SCN10A: variants seen among roughly 807,000 people sequenced by gnomAD.
The protein encoded by SCN10A is sodium channel protein type 10 subunit alpha.
In SCN10A, 162 loss-of-function variants were observed where a neutral mutation model predicts 170.7. The observed-to-expected ratio is 0.95, with a 90% CI of 0.84 to 1.08. The LOEUF is 1.08. SCN10A is among the 50% of genes least tolerant of loss of function. SCN10A has a pLI of 0.00. For synonymous variants in SCN10A, 985 were observed against 904.6 expected (o/e 1.09, Z -1.59); for missense variants, 2,527 against 2,436.9 (o/e 1.04, Z -0.78).
intron 8 of SCN10A, among the ~76,000 whole-genome samples, chr3:38,758,024 AT>A (rs1390239891): frequency 1.3e-5 from 2 of 152,030 alleles, no homozygotes; most frequent in East Asian, 1.9e-4. Context: ...ATTTTTTTAA[AT>A]TTTTTTCTTT....
intron 13 of SCN10A, among the ~76,000 whole-genome samples, chr3:38,746,053 G>GTGTGTA: frequency 2.4e-5 from 2 of 84,106 alleles, no homozygotes; most frequent in African/African-American, 9.1e-5. Context: ...ATATATATGT[G>GTGTGTA]TGTGTATGTG....
At position 38,712,308 on chromosome 3, in the gene SCN10A, G is replaced by T. The variant is rs760702095; in HGVS notation, c.3942C>A (p.Thr1314=). The part of the protein sequence containing the change: ...AGKFWRCINY[T]DGEFSLVPLS... The stretch of plus-strand genomic sequence containing the variant: ...AAGGTACAAGGGAAAACTCTCCATC[G>T]GTATAGTTGATGCACCTCCAAAACT... Residue 1314 remains threonine, a synonymous_variant, in exon 23 of 28, where the codon ACC becomes ACA. Coordinates refer to ENST00000449082, the MANE Select transcript of SCN10A (RefSeq NM_006514.4). The T allele has an allele frequency of 1.2e-6, 2 of 1,614,164 alleles. No individual in the cohort carries two copies. Among genetic ancestry groups the T allele is most frequent in the South Asian group, 1.1e-5 (1 of 91,072 alleles).
intron 1 of SCN10A, among the ~76,000 whole-genome samples, chr3:38,805,217 G>A (rs2064397706): frequency 1.3e-5 from 2 of 152,134 alleles, no homozygotes; most frequent in South Asian, 4.1e-4. Context: ...ATGTTACTAG[G>A]ACTGAGAATG....
chr3:38,719,250 C>T (rs1256292929), intron 20 of SCN10A, among the ~76,000 whole-genome samples: 1 of 151,960 alleles, frequency 6.6e-6, no homozygotes, highest in East Asian at 1.9e-4. Context: ...TTCTATCTCA[C>T]TGGTAATCAA....
intron 1 of SCN10A, among the ~76,000 whole-genome samples, chr3:38,808,544 A>C (rs2064420304): frequency 6.6e-6 from 1 of 152,184 alleles, no homozygotes; most frequent in Non-Finnish European, 1.5e-5. Flanking sequence ...GACACATGTA[A>C]GTGTTTGATA....
chr3:38,791,736 G>A (rs1178444379), intron 3 of SCN10A, among the ~76,000 whole-genome samples: 1 of 152,170 alleles, frequency 6.6e-6, no homozygotes, highest in Non-Finnish European at 1.5e-5. Flanking sequence ...GTGAGAATGT[G>A]TCTGGGGGCA....
chr3:38,803,171 G>A (rs1400138365), intron 1 of SCN10A, among the ~76,000 whole-genome samples: 2 of 152,170 alleles, frequency 1.3e-5, no homozygotes, highest in Non-Finnish European at 2.9e-5. Context: ...AGAGGATGTG[G>A]AGAAATAGGA....
In SCN10A at chr3:38,728,836, G is replaced by C; in HGVS notation, c.2346C>G (p.Asn782Lys). The C allele has an allele frequency of 6.2e-7, 1 of 1,614,206 alleles. No homozygotes were observed. The highest frequency in any genetic ancestry group is 8.5e-7 in the Non-Finnish European group (1 of 1,180,036). Residue 782 changes from asparagine (N) to lysine (K), a missense_variant, in exon 16 of 28, where the codon AAC becomes AAG. Asn to Lys is a moderately conservative substitution (Grantham distance 94). Coordinates refer to ENST00000449082, the MANE Select transcript of SCN10A (RefSeq NM_006514.4). Reference protein sequence around the residue: ...TLNTLIKIIGNSVGALGNLTI... With the variant: ...TLNTLIKIIGKSVGALGNLTI... ...TGAGGTTCCCCAGTGCCCCCACTGA[G>C]TTTCCGATGATCTTGATGAGTGTGT...
intron 1 of SCN10A, among the ~76,000 whole-genome samples, chr3:38,813,898 T>C (rs1422246773): frequency 6.6e-6 from 1 of 152,224 alleles, no homozygotes; most frequent in Non-Finnish European, 1.5e-5. Flanking sequence ...TCGAATCTTA[T>C]TCCCATATGA....
In SCN10A at chr3:38,763,508, G is replaced by C. The variant is rs147844607; in HGVS notation, c.688C>G (p.Pro230Ala). 126 of 1,611,822 alleles carry C rather than the reference G, an allele frequency of 7.8e-5. No individual in the cohort carries two copies. The highest frequency in any genetic ancestry group is 3.3e-4 in the Middle Eastern group (2 of 6,080). ...TGCTCTGTGAATAAATGCTCACCTGGGATCACAGAAACTGTTTTTAATGCT... is the reference window on the plus strand; with the variant it reads ...TGCTCTGTGAATAAATGCTCACCTGCGATCACAGAAACTGTTTTTAATGCT... The part of the protein sequence containing the change: ...LRALKTVSVI[P>A]GLKVIVGALI... Residue 230 changes from proline to alanine, a missense_variant, in exon 6 of 28, where the codon CCA becomes GCA. By Grantham distance (27) the Pro-to-Ala change is conservative. Coordinates refer to ENST00000449082, the MANE Select transcript of SCN10A (RefSeq NM_006514.4).
intron 4 of SCN10A, among the ~76,000 whole-genome samples, chr3:38,777,814 T>G (rs2064093663): frequency 6.6e-6 from 1 of 151,990 alleles, no homozygotes; most frequent in Non-Finnish European, 1.5e-5. Context: ...TAGGAACCAC[T>G]TGGGAAATGA....
In SCN10A at chr3:38,761,398, C is replaced by A; in HGVS notation, c.692-15G>T. On this transcript the variant is annotated splice_polypyrimidine_tract_variant and intron_variant, in intron 6 of 27. Transcript: ENST00000449082. ...GACCTTCAGGCCTGCGGGAAGATGA[C>A]AGTGGTATGACCACATGGATGAGGT... 1 of 1,608,688 alleles carries A rather than the reference C, an allele frequency of 6.2e-7. No homozygotes were observed. The highest frequency in any genetic ancestry group is 8.5e-7 in the Non-Finnish European group (1 of 1,176,902).
At chr3:38,770,597 C>T (rs1474320576) in intron 5 of SCN10A, among the ~76,000 whole-genome samples, 1 of 152,104 alleles carries the variant, frequency 6.6e-6, no homozygotes, top group African/African-American at 2.4e-5. Flanking sequence ...CTTGCTCCTG[C>T]AGTGCCCTAC....
intron 20 of SCN10A, among the ~76,000 whole-genome samples, chr3:38,720,658 C>G (rs949342265): frequency 6.6e-6 from 1 of 151,658 alleles, no homozygotes; most frequent in Non-Finnish European, 1.5e-5. Context: ...GCTGGGCTGG[C>G]GCAGTGCTGC....
intron 1 of SCN10A, among the ~76,000 whole-genome samples, chr3:38,797,412 C>T (rs2064346943): frequency 6.6e-6 from 1 of 152,156 alleles, no homozygotes; most frequent in East Asian, 1.9e-4. Flanking sequence ...AGAGCTTTCC[C>T]TCACCCTCTT....
In SCN10A at chr3:38,771,375, G is replaced by C. The variant is rs558639346; in HGVS notation, c.503C>G (p.Ala168Gly). Residue 168 changes from alanine (A) to glycine (G), a missense_variant, in exon 5 of 28, where the codon GCC (alanine) becomes GGC (glycine). Coordinates refer to ENST00000449082, the MANE Select transcript of SCN10A (RefSeq NM_006514.4). ...YVFTVIYTFE[A>G]LIKILARGFC... ...TCCTCTTGCCAGTATCTTTATCAAGGCTTCAAAGGTGTAAATGACAGTGAA... is the reference window on the plus strand; with the variant it reads ...TCCTCTTGCCAGTATCTTTATCAAGCCTTCAAAGGTGTAAATGACAGTGAA... 3 of 1,614,084 alleles carry C rather than the reference G, an allele frequency of 1.9e-6. No homozygotes were observed. The highest frequency in any genetic ancestry group is 2.5e-6 in the Non-Finnish European group (3 of 1,179,964).
chr3:38,759,154 C>T (rs146582696), intron 8 of SCN10A, among the ~76,000 whole-genome samples: 2 of 152,214 alleles, frequency 1.3e-5, no homozygotes, highest in East Asian at 1.9e-4. Context: ...CCACACAGGT[C>T]GACCTGGGCA....
At chr3:38,723,994 C>T (rs994009667) in intron 18 of SCN10A, among the ~76,000 whole-genome samples, 22 of 152,200 alleles carry the variant, frequency 1.4e-4, no homozygotes, top group African/African-American at 4.8e-4. Context: ...CCCCTCCTGC[C>T]TAGCCGGGGT....
chr3:38,769,300 G>A (rs999736884), intron 5 of SCN10A, among the ~76,000 whole-genome samples: 18 of 126,384 alleles, frequency 1.4e-4, no homozygotes, highest in East Asian at 1.2e-3. Flanking sequence ...GTGCAATGGC[G>A]CGATCTCAGC....
Sources: allele counts gnomAD v4.1 joint callset (sites outside exome capture counted in the v4.1 genomes callset), GRCh38; gene constraint gnomAD v4.1.1; transcripts MANE v1.5; gene names NCBI Gene and HGNC (gene_info 2026-07-23, HGNC 2026-07-21).